Variants in TJP1 observed in about 807,000 individuals in gnomAD.
The protein encoded by TJP1 is tight junction protein 1.
Under a neutral mutation model 194.2 loss-of-function variants are expected in TJP1, and 43 were observed. The ratio of observed to expected loss-of-function variants is 0.22; its 90% CI spans 0.17 to 0.29. TJP1 has a LOEUF of 0.29. Among genes scored for constraint, TJP1 ranks in the 10% least tolerant of loss-of-function variants. TJP1 has a pLI of 1.00. For missense variants in TJP1, 1,971 were observed against 2,185.7 expected (o/e 0.90, Z 1.96); for synonymous variants, 801 against 779.0 (o/e 1.03, Z -0.47).
chr15:29,767,434 T>C (rs2046395162), intron 4 of TJP1, among the ~76,000 whole-genome samples: 1 of 152,212 alleles, frequency 6.6e-6, no homozygotes, highest in Admixed American at 6.5e-5. Flanking sequence ...AGTTCATCAG[T>C]TCCATCCTGG....
intron 23 of TJP1, among the ~76,000 whole-genome samples, chr15:29,715,755 C>G (rs1408198019): frequency 1.9e-4 from 29 of 152,130 alleles, no homozygotes; most frequent in Non-Finnish European, 1.5e-5. Flanking sequence ...TTTAGGCCTT[C>G]CCTGATCTCA....
At position 29,766,561 on chromosome 15, in the gene TJP1, A is replaced by G; in HGVS notation, c.313-19T>C. 1 of 1,524,380 alleles carries G rather than the reference A, an allele frequency of 6.6e-7. No homozygotes were observed. The highest frequency in any genetic ancestry group is 1.4e-5 in the African/African-American group (1 of 71,980). The allele number at this position is 1,524,380 out of a possible 1,614,324, so 94.4% of individuals were successfully genotyped here. The stretch of plus-strand genomic sequence containing the variant: ...TAATTGTCTGCAAGTTAAAAAGGTT[A>G]AAAAATAAGTTGACTGATTTTCATA... On this transcript the variant is annotated intron_variant, in intron 4 of 27. Transcript: ENST00000614355.
At chr15:29,789,408 G>C (rs1312890025) in intron 2 of TJP1, among the ~76,000 whole-genome samples, 3 of 152,166 alleles carry the variant, frequency 2.0e-5, no homozygotes, top group African/African-American at 7.2e-5. Flanking sequence ...AGGACCAGTA[G>C]AGAGATCAGA....
chr15:29,760,540 C>T (rs981035658), intron 8 of TJP1, among the ~76,000 whole-genome samples: 8 of 152,052 alleles, frequency 5.3e-5, no homozygotes, highest in Non-Finnish European at 8.8e-5. Flanking sequence ...CACTACCTGG[C>T]TAATTTTTGT....
chr15:29,876,207 C>T (rs1211595839), intron 2 of TJP1, among the ~76,000 whole-genome samples: 4 of 152,250 alleles, frequency 2.6e-5, no homozygotes, highest in East Asian at 1.9e-4. Flanking sequence ...AACACAAATT[C>T]GTAAACTTGC....
chr15:29,791,792 C>T (rs1443582757), intron 2 of TJP1, among the ~76,000 whole-genome samples: 1 of 152,050 alleles, frequency 6.6e-6, no homozygotes, highest in Non-Finnish European at 1.5e-5. Context: ...TTGTTATTGC[C>T]TGTCTTTTTG....
At chr15:29,760,488 G>A (rs1377917852) in intron 8 of TJP1, among the ~76,000 whole-genome samples, 1 of 152,132 alleles carries the variant, frequency 6.6e-6, no homozygotes, top group African/African-American at 2.4e-5. Flanking sequence ...CAATTCTCAT[G>A]TCTCAGCCTC....
intron 8 of TJP1, among the ~76,000 whole-genome samples, chr15:29,745,999 T>G (rs1296568042): frequency 3.9e-5 from 6 of 152,206 alleles, no homozygotes; most frequent in Non-Finnish European, 8.8e-5. Context: ...ATTTGATCTA[T>G]TTCACTTGTT....
intron 8 of TJP1, among the ~76,000 whole-genome samples, chr15:29,748,789 GT>G (rs927404316): frequency 1.1e-4 from 17 of 152,066 alleles, no homozygotes; most frequent in Middle Eastern, 3.4e-3. Flanking sequence ...GCCCAGGCGA[GT>G]CTCGAACTTC....
intron 24 of TJP1, among the ~76,000 whole-genome samples, chr15:29,710,018 C>T (rs369977413): frequency 3.8e-4 from 57 of 151,994 alleles, no homozygotes; most frequent in African/African-American, 1.3e-3. Context: ...TGGTGGTGTG[C>T]GCCTATAGTC....
chr15:29,774,051 T>G (rs1399929342), intron 2 of TJP1, among the ~76,000 whole-genome samples: 1 of 152,100 alleles, frequency 6.6e-6, no homozygotes, highest in Non-Finnish European at 1.5e-5. Flanking sequence ...TTACCTAATC[T>G]CAAAGAAATC....
chr15:29,704,418 T>C, intron 26 of TJP1, 113 bp from the exon 27 acceptor site: 1 of 1,325,770 alleles, frequency 7.5e-7, no homozygotes, highest in South Asian at 1.6e-5. Context: ...TGGAGTTAGT[T>C]CTCTACAGTC....
intron 2 of TJP1, among the ~76,000 whole-genome samples, chr15:29,921,083 G>A (rs951541451): frequency 6.6e-6 from 1 of 152,244 alleles, no homozygotes; most frequent in Middle Eastern, 3.4e-3. Flanking sequence ...CTTTGTTGTA[G>A]TTTTGAAATC....
At chr15:29,908,355 T>C (rs1018278868) in intron 2 of TJP1, among the ~76,000 whole-genome samples, 2 of 152,136 alleles carry the variant, frequency 1.3e-5, no homozygotes, top group Admixed American at 1.3e-4. Context: ...GATTTAGTGA[T>C]AACACTGGGA....
intron 2 of TJP1, among the ~76,000 whole-genome samples, chr15:29,939,110 C>T (rs2054979878): frequency 1.3e-5 from 2 of 152,176 alleles, no homozygotes; most frequent in Admixed American, 1.3e-4. Context: ...ATGGAGACAA[C>T]AGCTTGTGTC....
chr15:29,758,131 ATGT>A (rs1399875267), intron 8 of TJP1, among the ~76,000 whole-genome samples: 1 of 152,172 alleles, frequency 6.6e-6, no homozygotes, highest in African/African-American at 2.4e-5. Context: ...TGTACTGTTT[ATGT>A]TATCAGTAAG....
chr15:29,783,494 A>C (rs893457324), intron 2 of TJP1, among the ~76,000 whole-genome samples: 2 of 152,198 alleles, frequency 1.3e-5, no homozygotes, highest in African/African-American at 4.8e-5. Flanking sequence ...AAGGAATATA[A>C]ATCATTCTAT....
At chr15:29,753,150 G>C (rs747070576) in intron 8 of TJP1, among the ~76,000 whole-genome samples, 4 of 152,088 alleles carry the variant, frequency 2.6e-5, no homozygotes, top group Non-Finnish European at 5.9e-5. Context: ...TTTGGATATA[G>C]AGCTTACATC....
chr15:29,859,613 T>C lies in TJP1; in HGVS notation c.307-58911A>G, dbSNP rs1246806336. Among the ~76,000 whole-genome samples, 13 of 152,132 alleles carry C rather than the reference T, an allele frequency of 8.5e-5. No homozygotes were observed. The East Asian group carries it at 1.8e-3, about 21-fold the overall frequency. ...TGTGAAACCGGGTTCCTCAGAGCCA[T>C]CGTGGTTCTCTGGAGGTAATCTGGG... On this transcript the variant is annotated intron_variant, in intron 2 of 28. Transcript: ENST00000356107.
Sources: allele counts gnomAD v4.1 joint callset (sites outside exome capture counted in the v4.1 genomes callset), GRCh38; gene constraint gnomAD v4.1.1; transcripts MANE v1.5; gene names NCBI Gene and HGNC (gene_info 2026-07-23, HGNC 2026-07-21).